The following METTL16 variants were observed in gnomAD, a reference collection of about 807,000 sequenced individuals.
METTL16 encodes the protein methyltransferase 16, RNA N6-adenosine.
In METTL16, 19 loss-of-function variants were observed where a neutral mutation model predicts 57.9. The ratio of observed to expected loss-of-function variants is 0.33; its 90% CI spans 0.23 to 0.48. The LOEUF (loss-of-function observed/expected upper bound fraction) is 0.48. Among genes scored for constraint, METTL16 ranks in the 20% least tolerant of loss-of-function variants. The pLI is 0.99. For missense variants in METTL16, 434 were observed against 691.5 expected (o/e 0.63, Z 4.18); for synonymous variants, 246 against 255.6 (o/e 0.96, Z 0.36).
chr17:2,428,139 GA>G (rs2066833493), intron 8 of METTL16, among the ~76,000 whole-genome samples: 1 of 151,838 alleles, frequency 6.6e-6, no homozygotes, highest in Non-Finnish European at 1.5e-5. Context: ...TAGCTCTGCT[GA>G]AAAAGCCTCT....
At chr17:2,431,541 T>C (rs2151545450) in intron 8 of METTL16, among the ~76,000 whole-genome samples, 1 of 152,272 alleles carries the variant, frequency 6.6e-6, no homozygotes, top group Middle Eastern at 3.4e-3. Context: ...CTCTCATAAA[T>C]CTTCCTAAAG....
rs143608378 is a variant in METTL16 at position 2,454,634 on chromosome 17, A to G, written c.728+9574T>C. ...GGGTGGAGTGCAGTGGCATGATCTC[A>G]GCTCACTGCAACCACTGTCTCCTGG... On this transcript the variant is annotated intron_variant, in intron 6 of 9. Coordinates refer to ENST00000263092, the MANE Select transcript of METTL16 (RefSeq NM_024086.4). Among the ~76,000 whole-genome samples the G allele has an allele frequency of 6.3e-3, 898 of 142,010 alleles. 9 individuals carry two copies. Among genetic ancestry groups the G allele is most frequent in the African/African-American group, 0.023 (848 of 37,568 alleles). The allele number at this position is 142,010 out of a possible 152,430, so 93.2% of individuals were successfully genotyped here. A position where few individuals can be genotyped will look rare whatever the true frequency, so the allele number is the denominator to read the frequency against.
intron 2 of METTL16, among the ~76,000 whole-genome samples, chr17:2,479,858 C>T (rs1024909144): frequency 1.3e-5 from 2 of 152,132 alleles, no homozygotes; most frequent in African/African-American, 4.8e-5. Context: ...ACGTAAGTCA[C>T]TTCAGTTCTT....
intron 1 of METTL16, among the ~76,000 whole-genome samples, chr17:2,502,951 G>A (rs1020428334): frequency 5.3e-5 from 8 of 152,154 alleles, no homozygotes; most frequent in African/African-American, 1.9e-4. Flanking sequence ...AACAACGAGT[G>A]TTCTGCAAGG....
chr17:2,426,838 G>A (rs1305712050), intron 8 of METTL16, among the ~76,000 whole-genome samples: 1 of 149,942 alleles, frequency 6.7e-6, no homozygotes. Flanking sequence ...GTATTTCTTT[G>A]AATTTGAAAA....
intron 6 of METTL16, among the ~76,000 whole-genome samples, chr17:2,456,864 C>T (rs2067114581): frequency 6.6e-6 from 1 of 152,012 alleles, no homozygotes. Flanking sequence ...TCTCAGCTCA[C>T]TGCAACCTTC....
chr17:2,500,005 C>T (rs778758762), intron 2 of METTL16, among the ~76,000 whole-genome samples: 5 of 152,056 alleles, frequency 3.3e-5, no homozygotes, highest in African/African-American at 1.2e-4. Flanking sequence ...CTGCCCACCT[C>T]GGCCTCCCAA....
chr17:2,492,534 C>G (rs2067406721), intron 2 of METTL16, among the ~76,000 whole-genome samples: 1 of 152,032 alleles, frequency 6.6e-6, no homozygotes, highest in Admixed American at 6.6e-5. Context: ...TGAGGATGTC[C>G]TCTCATCCCT....
At chr17:2,509,109 C>T (rs986490549) in intron 1 of METTL16, among the ~76,000 whole-genome samples, 1 of 152,210 alleles carries the variant, frequency 6.6e-6, no homozygotes, top group Non-Finnish European at 1.5e-5. Context: ...TGCTGCTTCT[C>T]CCTCAGAGAT....
intron 6 of METTL16, 100 bp downstream of exon 6, chr17:2,464,108 G>C: frequency 7.8e-7 from 1 of 1,275,860 alleles, no homozygotes. Flanking sequence ...GGCAACAAGA[G>C]CAAGACTCTG....
intron 7 of METTL16, among the ~76,000 whole-genome samples, chr17:2,440,410 G>A (rs986142579): frequency 6.6e-6 from 1 of 151,904 alleles, no homozygotes; most frequent in South Asian, 2.1e-4. Flanking sequence ...CACCATGCCC[G>A]GCTAATTTTT....
At chr17:2,511,583 C>T (rs1175868835) in intron 1 of METTL16, among the ~76,000 whole-genome samples, 176 bp downstream of exon 1, 2 of 152,012 alleles carry the variant, frequency 1.3e-5, no homozygotes, top group Non-Finnish European at 2.9e-5. Flanking sequence ...CCAACTCCTC[C>T]CACTCATCCA....
chr17:2,441,564 GA>G lies in METTL16; in HGVS notation c.729-6del, dbSNP rs748982090. On this transcript the variant is annotated splice_polypyrimidine_tract_variant and splice_region_variant and intron_variant, in intron 6 of 9. Coordinates refer to ENST00000263092, the MANE Select transcript of METTL16 (RefSeq NM_024086.4). ...CCCAGCATGCAGCTATACCATCTAG[GA>G]AAAAAAAAATCAGACAAGTAAATAC... 4.4e-3 allele frequency: 6,220 copies of G among 1,420,186 alleles called. 17 individuals carry two copies. Among genetic ancestry groups the G allele is most frequent in the South Asian group, 0.017 (1,205 of 71,630 alleles). The allele number at this position is 1,420,186 out of a possible 1,614,324, so 88.0% of individuals were successfully genotyped here.
rs757397439 is a variant in METTL16 at position 2,441,575 on chromosome 17, T to A, written c.729-16A>T. 6.6e-7 allele frequency: 1 copy of A among 1,520,796 alleles called. No homozygotes were observed. Among genetic ancestry groups the A allele is most frequent in the Non-Finnish European group, 8.9e-7 (1 of 1,126,190 alleles). The allele number at this position is 1,520,796 out of a possible 1,614,324, so 94.2% of individuals were successfully genotyped here. A position where few individuals can be genotyped will look rare whatever the true frequency, so the allele number is the denominator to read the frequency against. ...GCTATACCATCTAGGAAAAAAAAAA[T>A]CAGACAAGTAAATACGGTTTATGTG... On this transcript the variant is annotated splice_polypyrimidine_tract_variant and intron_variant, in intron 6 of 9. Transcript: ENST00000263092.
intron 2 of METTL16, among the ~76,000 whole-genome samples, chr17:2,488,517 C>T (rs995146984): frequency 4.0e-5 from 6 of 151,880 alleles, no homozygotes; most frequent in African/African-American, 1.5e-4. Context: ...AGAGATAGTG[C>T]CACTGCACTC....
chr17:2,430,565 A>G (rs562548473), intron 8 of METTL16, among the ~76,000 whole-genome samples: 62 of 148,282 alleles, frequency 4.2e-4, no homozygotes, highest in East Asian at 1.7e-3. Context: ...ACAGGCGCCC[A>G]CCACCACGCC....
At chr17:2,506,939 C>T (rs1480516505) in intron 1 of METTL16, among the ~76,000 whole-genome samples, 11 of 151,296 alleles carry the variant, frequency 7.3e-5, no homozygotes, top group African/African-American at 1.9e-4. Flanking sequence ...CCGGCCGCCC[C>T]GTCTGAGAAG....
intron 6 of METTL16, among the ~76,000 whole-genome samples, chr17:2,457,413 G>C (rs1010646885): frequency 2.9e-5 from 4 of 137,936 alleles, no homozygotes; most frequent in Non-Finnish European, 6.3e-5. Context: ...GAATAGTCAA[G>C]AGTTAAAAAT....
chr17:2,494,030 T>A (rs1597470100), intron 2 of METTL16, among the ~76,000 whole-genome samples: 1 of 152,352 alleles, frequency 6.6e-6, no homozygotes, highest in African/African-American at 2.4e-5. Flanking sequence ...AAAAACTTTT[T>A]AAAGATTACT....
Sources: allele counts gnomAD v4.1 joint callset (sites outside exome capture counted in the v4.1 genomes callset), GRCh38; gene constraint gnomAD v4.1.1; transcripts MANE v1.5; gene names NCBI Gene and HGNC (gene_info 2026-07-23, HGNC 2026-07-21).